Variants in ISM1 observed in about 807,000 individuals in gnomAD.
ISM1 encodes isthmin 1, also known as isthmin-1.
In ISM1, 25 loss-of-function variants were observed where a neutral mutation model predicts 46.3. The observed-to-expected ratio is 0.54, with a 90% CI of 0.39 to 0.75. The LOEUF is 0.75. ISM1 is among the 30% of genes least tolerant of loss of function. The pLI, the probability that ISM1 is intolerant of heterozygous loss-of-function variation, is 0.00. For missense variants in ISM1, 536 were observed against 625.4 expected, an observed-to-expected ratio of 0.86 and a Z score of 1.52; for synonymous variants, 255 against 256.7, an observed-to-expected ratio of 0.99 and a Z score of 0.06.
At chr20:13,252,032 A>G (rs1025516721) in intron 1 of ISM1, among the ~76,000 whole-genome samples, 2 of 152,224 alleles carry the variant, frequency 1.3e-5, no homozygotes, top group Non-Finnish European at 2.9e-5. Context: ...TCTGGTTGCT[A>G]CATGAGCTTT....
intron 3 of ISM1, among the ~76,000 whole-genome samples, chr20:13,280,172 C>T (rs1251909235): frequency 6.6e-6 from 1 of 152,060 alleles, no homozygotes; most frequent in East Asian, 1.9e-4. Context: ...TTCTGCCTCC[C>T]CCGCCCCTCA....
intron 1 of ISM1, among the ~76,000 whole-genome samples, chr20:13,225,973 C>T (rs1381681662): frequency 2.6e-5 from 4 of 152,166 alleles, no homozygotes; most frequent in African/African-American, 9.7e-5. Flanking sequence ...TCTCCTTTGT[C>T]TGAAATTCAA....
the ISM1 span, among the ~76,000 whole-genome samples, chr20:13,319,051 C>A: frequency 6.6e-6 from 1 of 152,154 alleles, no homozygotes; most frequent in African/African-American, 2.4e-5. Flanking sequence ...GTAGGTTCAT[C>A]AGTTGTAACA....
chr20:13,313,976 T>A, the ISM1 span, among the ~76,000 whole-genome samples: 1 of 152,030 alleles, frequency 6.6e-6, no homozygotes, highest in African/African-American at 2.4e-5. Context: ...ATCAAAAACA[T>A]AACAGAAATG....
the ISM1 span, among the ~76,000 whole-genome samples, chr20:13,311,216 T>TGATA: frequency 0.055 from 7,336 of 133,106 alleles, 291 homozygotes; most frequent in Non-Finnish European, 0.08. Flanking sequence ...TATAGATAGA[T>TGATA]GATAGATAGA....
At chr20:13,314,317 C>T in the ISM1 span, among the ~76,000 whole-genome samples, 4 of 151,698 alleles carry the variant, frequency 2.6e-5, no homozygotes, top group Non-Finnish European at 4.4e-5. Flanking sequence ...AAAACCCCTA[C>T]ACCTAGGCAT....
At chr20:13,232,809 T>C (rs562930983) in intron 1 of ISM1, among the ~76,000 whole-genome samples, 11 of 152,360 alleles carry the variant, frequency 7.2e-5, no homozygotes, top group African/African-American at 2.4e-4. Context: ...GGATGATATT[T>C]TTCTTGGTTA....
chr20:13,295,683 C>T (rs745866150), intron 5 of ISM1, among the ~76,000 whole-genome samples: 4 of 152,196 alleles, frequency 2.6e-5, no homozygotes, highest in African/African-American at 9.6e-5. Flanking sequence ...GCTTTCAGAT[C>T]GAGGTGCATG....
the ISM1 span, among the ~76,000 whole-genome samples, chr20:13,317,264 CA>C: frequency 6.6e-6 from 1 of 151,248 alleles, no homozygotes; most frequent in Non-Finnish European, 1.5e-5. Context: ...CAAAACAAAA[CA>C]AAAAAGCTAC....
chr20:13,244,599 T>A (rs544701296), intron 1 of ISM1, among the ~76,000 whole-genome samples: 1 of 152,352 alleles, frequency 6.6e-6, no homozygotes, highest in Admixed American at 6.5e-5. Flanking sequence ...GAAGGCTTAT[T>A]CCAGTTCACA....
At chr20:13,227,832 T>C (rs1339832975) in intron 1 of ISM1, among the ~76,000 whole-genome samples, 1 of 152,006 alleles carries the variant, frequency 6.6e-6, no homozygotes, top group African/African-American at 2.4e-5. Flanking sequence ...TAAATATCTT[T>C]CTTATTAATA....
At chr20:13,225,057 G>T (rs1157377950) in intron 1 of ISM1, among the ~76,000 whole-genome samples, 4 of 148,640 alleles carry the variant, frequency 2.7e-5, no homozygotes, top group African/African-American at 5.0e-5. Flanking sequence ...GTTTCACCGT[G>T]TTAGCCAGGA....
chr20:13,247,358 T>A (rs1276945234), intron 1 of ISM1, among the ~76,000 whole-genome samples: 1 of 152,218 alleles, frequency 6.6e-6, no homozygotes, highest in Admixed American at 6.5e-5. Context: ...TGTCTTTAAG[T>A]GTCAGCGTGT....
intron 1 of ISM1, among the ~76,000 whole-genome samples, chr20:13,245,625 C>G (rs915349948): frequency 6.6e-5 from 10 of 152,174 alleles, no homozygotes; most frequent in Admixed American, 2.6e-4. Flanking sequence ...GTGATAGTTC[C>G]CCTGCACACT....
intron 1 of ISM1, among the ~76,000 whole-genome samples, chr20:13,247,209 C>CA (rs1310274610): frequency 3.3e-5 from 5 of 150,790 alleles, no homozygotes; most frequent in African/African-American, 7.3e-5. Context: ...CCAGCCTGGG[C>CA]AAAAAAATGT....
At chr20:13,315,708 A>G in the ISM1 span, among the ~76,000 whole-genome samples, 1 of 151,980 alleles carries the variant, frequency 6.6e-6, no homozygotes, top group Non-Finnish European at 1.5e-5. Flanking sequence ...TTTCTTCTCA[A>G]GCTTATATGA....
chr20:13,294,412 A>G (rs929701155), intron 5 of ISM1, among the ~76,000 whole-genome samples: 1 of 152,246 alleles, frequency 6.6e-6, no homozygotes, highest in Admixed American at 6.5e-5. Context: ...AGACTTTGAC[A>G]TAAAGTGGTA....
chr20:13,303,757 C>T (rs879885034), downstream of ISM1, among the ~76,000 whole-genome samples: 15 of 152,268 alleles, frequency 9.9e-5, no homozygotes, highest in East Asian at 5.8e-4. Context: ...AGGGATACAG[C>T]GGTGTACAAA....
chr20:13,280,916 T>C (rs1198556174), intron 3 of ISM1, among the ~76,000 whole-genome samples: 1 of 152,246 alleles, frequency 6.6e-6, no homozygotes, highest in Non-Finnish European at 1.5e-5. Flanking sequence ...CGTCATGATT[T>C]TCTTGTGGCT....
Sources: gnomAD v4.1 joint callset for allele counts (sites outside exome capture counted in the v4.1 genomes callset) on GRCh38, gnomAD v4.1.1 for gene constraint, MANE v1.5 for transcripts, NCBI Gene and HGNC (gene_info 2026-07-23, HGNC 2026-07-21) for gene names.